GPC3: variants seen among roughly 807,000 people sequenced by gnomAD.
GPC3 encodes the protein glypican-3.
A neutral mutation model predicts 34.4 loss-of-function variants in GPC3; 3 were observed. The ratio of observed to expected loss-of-function variants is 0.09; its 90% CI spans 0.04 to 0.23. GPC3 has a LOEUF of 0.23. Ranked by LOEUF, GPC3 falls within the 10% of genes least tolerant of loss-of-function variation. The probability of loss-of-function intolerance (pLI) is 1.00; values close to 1 mark genes in which losing one functional copy is unlikely to be tolerated. For synonymous variants in GPC3, 177 were observed against 174.0 expected (o/e 1.02, Z -0.13); for missense variants, 351 against 445.6 (o/e 0.79, Z 1.91).
At chrX:133,974,076 A>C (rs561698970) in intron 1 of GPC3, among the ~76,000 whole-genome samples, 60 of 111,802 alleles carry the variant, frequency 5.4e-4, no homozygotes, top group African/African-American at 1.9e-3. Flanking sequence ...TTTGAGACAA[A>C]GTCTCACTCT....
chrX:133,869,023 C>A (rs1360136348), intron 2 of GPC3, among the ~76,000 whole-genome samples: 1 of 112,228 alleles, frequency 8.9e-6, no homozygotes, highest in Non-Finnish European at 1.9e-5. Context: ...ACAGCTCTCA[C>A]AGATTTTCAG....
In GPC3 at chrX:133,585,082, AAAAT is replaced by A. The variant is rs1443996596; in HGVS notation, c.1573+11354_1573+11357del. 2.7e-5 allele frequency among the ~76,000 whole-genome samples: 3 copies of A among 112,093 alleles called. No homozygotes were observed. The East Asian group carries it at 8.4e-4, about 31-fold the overall frequency. On this transcript the variant is annotated intron_variant, in intron 7 of 7. Transcript: ENST00000370818. ...ATCTATAACAAGGTTTCCCTTCAGA[AAAAT>A]TAACCACACAAAAACTTGCCAGTAA...
chrX:133,594,958 T>C (rs1388817904), intron 7 of GPC3, among the ~76,000 whole-genome samples: 2 of 110,324 alleles, frequency 1.8e-5, no homozygotes, highest in Non-Finnish European at 3.8e-5. Flanking sequence ...CTTTGGGAAG[T>C]TGAGGTGAGA....
chrX:133,696,841 C>T (rs1368574310), intron 4 of GPC3, among the ~76,000 whole-genome samples: 1 of 112,751 alleles, frequency 8.9e-6, no homozygotes, highest in South Asian at 3.7e-4. Flanking sequence ...CTGATGCCTA[C>T]AGCTCTCAGT....
intron 2 of GPC3, among the ~76,000 whole-genome samples, chrX:133,834,253 G>T (rs2075789641): frequency 9.0e-6 from 1 of 111,517 alleles, no homozygotes; most frequent in Admixed American, 9.6e-5. Context: ...ACTGCACAAG[G>T]GTGGAAATGG....
intron 6 of GPC3, among the ~76,000 whole-genome samples, chrX:133,602,993 G>A (rs1337816961): frequency 1.8e-5 from 2 of 110,527 alleles, no homozygotes; most frequent in African/African-American, 3.3e-5. Flanking sequence ...AAGTTTTTTC[G>A]TGTACAAACA....
intron 1 of GPC3, among the ~76,000 whole-genome samples, chrX:133,976,960 A>AATAT (rs2076518892): frequency 9.2e-6 from 1 of 109,201 alleles, no homozygotes; most frequent in African/African-American, 3.3e-5. Flanking sequence ...TAAATAAATA[A>AATAT]ATAAATGAGG....
At chrX:133,841,846 G>A (rs1433886725) in intron 2 of GPC3, among the ~76,000 whole-genome samples, 5 of 112,018 alleles carry the variant, frequency 4.5e-5, no homozygotes, top group Non-Finnish European at 7.5e-5. Context: ...GCAGAGAAAT[G>A]TGAAAAGAGA....
Position 133,535,889 on chromosome X carries a change from T to G in GPC3, c.*235A>C, listed in dbSNP as rs887836509. ...ATAATTTGGCACAACTTGATGGTTT[T>G]TTTTCTTTCTTTGCAAAAGGACAAT... On this transcript the variant is annotated 3_prime_UTR_variant, in exon 8 of 8. Transcript: ENST00000370818. 1 of 381,307 alleles carries G rather than the reference T, an allele frequency of 2.6e-6. No homozygotes were observed. 31.4% of individuals were successfully genotyped at this position (381,307 alleles called of 1,213,427 possible).
intron 2 of GPC3, among the ~76,000 whole-genome samples, chrX:133,890,092 A>G (rs760386684): frequency 9.1e-6 from 1 of 110,389 alleles, no homozygotes; most frequent in Admixed American, 9.6e-5. Flanking sequence ...TGATGTATAT[A>G]AATACATTTT....
chrX:133,777,651 C>T (rs908914783), intron 2 of GPC3, among the ~76,000 whole-genome samples: 1 of 112,249 alleles, frequency 8.9e-6, no homozygotes, highest in African/African-American at 3.2e-5. Flanking sequence ...TAATCTAAGT[C>T]AATGACTTCT....
At chrX:133,845,889 T>A (rs758981675) in intron 2 of GPC3, among the ~76,000 whole-genome samples, 1 of 111,670 alleles carries the variant, frequency 9.0e-6, no homozygotes, top group African/African-American at 3.2e-5. Flanking sequence ...GGTGTTAGAT[T>A]TGGGGTACCT....
chrX:133,582,721 C>T (rs975222991), intron 7 of GPC3, among the ~76,000 whole-genome samples: 2 of 111,309 alleles, frequency 1.8e-5, no homozygotes, highest in African/African-American at 6.5e-5. Flanking sequence ...ATGAAACAAA[C>T]AAACAAACAA....
chrX:133,909,757 G>A (rs1394497284), intron 2 of GPC3, among the ~76,000 whole-genome samples: 1 of 111,354 alleles, frequency 9.0e-6, no homozygotes, highest in African/African-American at 3.3e-5. Flanking sequence ...AAAAATAACA[G>A]ATGCATATTA....
intron 2 of GPC3, among the ~76,000 whole-genome samples, chrX:133,863,648 C>CTTTTTTTTTTTTTTTTTTTTTTT (rs1165193952): frequency 2.7e-5 from 2 of 72,883 alleles, no homozygotes; most frequent in African/African-American, 8.4e-5. Flanking sequence ...AAAAATATTC[C>CTTTTTTTTTTTTTTTTTTTTTTT]TTTTTTTTTT....
chrX:133,891,083 G>T (rs185921104), intron 2 of GPC3, among the ~76,000 whole-genome samples: 103 of 110,608 alleles, frequency 9.3e-4, no homozygotes, highest in African/African-American at 3.2e-3. Flanking sequence ...TCCATACAAT[G>T]GAATATTATA....
At chrX:133,537,112 C>T (rs1198962350) in intron 7 of GPC3, among the ~76,000 whole-genome samples, 1 of 111,650 alleles carries the variant, frequency 9.0e-6, no homozygotes, top group Non-Finnish European at 1.9e-5. Flanking sequence ...AAGGTGGCCC[C>T]AGAAGGCAAA....
At chrX:133,936,439 G>A (rs889930272) in intron 2 of GPC3, among the ~76,000 whole-genome samples, 1 of 110,360 alleles carries the variant, frequency 9.1e-6, no homozygotes, top group Non-Finnish European at 1.9e-5. Context: ...AGAAATCAAA[G>A]GTAAAAGTTT....
intron 1 of GPC3, among the ~76,000 whole-genome samples, chrX:133,972,338 C>T (rs1383500674): frequency 8.9e-6 from 1 of 112,372 alleles, no homozygotes; most frequent in Non-Finnish European, 1.9e-5. Context: ...TGAAACTCTT[C>T]AATAGTTCCA....
Sources: gnomAD v4.1 joint callset for allele counts (sites outside exome capture counted in the v4.1 genomes callset) on GRCh38, gnomAD v4.1.1 for gene constraint, MANE v1.5 for transcripts, NCBI Gene and HGNC (gene_info 2026-07-23, HGNC 2026-07-21) for gene names.